The following NEB variants were observed in gnomAD, a reference collection of about 807,000 sequenced individuals.
The protein encoded by NEB is nebulin, also known as nemaline myopathy type 2.
Under a neutral mutation model 952.2 loss-of-function variants are expected in NEB, and 512 were observed. That is an observed-to-expected ratio of 0.54 (90% CI 0.50 to 0.58). The LOEUF (loss-of-function observed/expected upper bound fraction) is 0.58. NEB is among the 20% of genes least tolerant of loss of function. NEB has a pLI of 0.00. For missense variants in NEB, 8,428 were observed against 9,231.1 expected (o/e 0.91, Z 3.56); for synonymous variants, 2,900 against 3,149.8 (o/e 0.92, Z 2.66).
chr2:151,659,728 TGTG>T (rs2099125660), intron 46 of NEB, among the ~76,000 whole-genome samples: 2 of 152,218 alleles, frequency 1.3e-5, no homozygotes, highest in Non-Finnish European at 2.9e-5. Flanking sequence ...TAAAATTTTC[TGTG>T]TAAATTAAAA....
chr2:151,662,936 C>A (rs1440189076), intron 45 of NEB, among the ~76,000 whole-genome samples: 1 of 152,172 alleles, frequency 6.6e-6, no homozygotes, highest in Non-Finnish European at 1.5e-5. Context: ...ATAGCTCAGC[C>A]CTCACATTCC....
rs1042514269 is a variant in NEB, at chr2:151,533,457, C to A, written c.21402G>T (p.Ser7134=). ...RPDMLTALYN[S]HMWSQIKYRK... is the part of the protein sequence containing the mutation. The stretch of plus-strand genomic sequence containing the variant: ...CAGACATTACCTGGCTCCACATATG[C>A]GAATTGTAGAGAGCAGTCAACATAT... Residue 7134 remains serine, a synonymous_variant, in exon 143 of 182, where the codon TCG becomes TCT. Transcript: ENST00000397345. 1 of 1,550,094 alleles carries A rather than the reference C, an allele frequency of 6.5e-7. No individual in the cohort carries two copies. The highest frequency in any genetic ancestry group is 2.0e-5 in the Admixed American group (1 of 50,996).
In NEB at chr2:151,733,798, GA is replaced by G. The variant is rs962563454; in HGVS notation, c.-113-4del. The G allele has an allele frequency of 5.9e-4, 90 of 152,276 alleles. No homozygotes were observed. The highest frequency in any genetic ancestry group is 2.1e-3 in the African/African-American group (89 of 41,560). The allele number at this position is 152,276 out of a possible 1,614,324, so 9.4% of individuals were successfully genotyped here. A position where few individuals can be genotyped will look rare whatever the true frequency, so the allele number is the denominator to read the frequency against. On this transcript the variant is annotated splice_polypyrimidine_tract_variant and splice_region_variant and intron_variant, in intron 1 of 181. Transcript: ENST00000397345. ...GTTTCTGTAGCTCTCGTTCAAACCT[GA>G]AAAATAACAAAGTTGTAAAGCATTG...
At chr2:151,680,099 A>C in intron 30 of NEB, 77 bp from the exon 31 acceptor site, 1 of 1,055,738 alleles carries the variant, frequency 9.5e-7, no homozygotes, top group Non-Finnish European at 1.4e-6. Context: ...TAATTTCCTA[A>C]TGGATCATAT....
intron 77 of NEB, among the ~76,000 whole-genome samples, chr2:151,613,353 C>T (rs960870167): frequency 6.6e-6 from 1 of 152,168 alleles, no homozygotes; most frequent in African/African-American, 2.4e-5. Context: ...GTTAAATAGA[C>T]ACAAAATTAT....
At position 151,694,365 on chromosome 2, in the gene NEB, G is replaced by T; in HGVS notation, c.1854C>A (p.Pro618=). 6.2e-7 allele frequency: 1 copy of T among 1,613,940 alleles called. No individual in the cohort carries two copies. The highest frequency in any genetic ancestry group is 1.1e-5 in the South Asian group (1 of 91,068). ...CCACCTTCAAGGAGTGCAGCATCTT[G>T]GGATCGTCATTAATGCTGAGGACTC... ...MIGVLSINDD[P]KMLHSLKVAK... Residue 618 remains proline (P), a synonymous_variant, in exon 20 of 182, where the codon CCC becomes CCA. Coordinates refer to ENST00000397345, the MANE Select transcript of NEB (RefSeq NM_001164508.2).
chr2:151,524,868 AT>A (rs1414820649), intron 151 of NEB, among the ~76,000 whole-genome samples: 4 of 151,670 alleles, frequency 2.6e-5, no homozygotes, highest in African/African-American at 9.7e-5. Context: ...GGGTTTCACC[AT>A]ATTGGCCAGG....
At chr2:151,715,339 A>G (rs1159040083) in intron 10 of NEB, among the ~76,000 whole-genome samples, 2 of 152,392 alleles carry the variant, frequency 1.3e-5, no homozygotes, top group East Asian at 1.9e-4. Context: ...TCTTTTCTTC[A>G]TAATTAAATA....
intron 10 of NEB, chr2:151,716,154 T>G (rs1238702836): frequency 2.3e-6 from 1 of 441,224 alleles, no homozygotes; most frequent in South Asian, 1.6e-5. Flanking sequence ...TTTTTTCTCT[T>G]TTTGAGACAG....
At chr2:151,669,276 C>G in intron 38 of NEB, 145 bp from the exon 39 acceptor site, 1 of 610,006 alleles carries the variant, frequency 1.6e-6, no homozygotes, top group South Asian at 1.9e-5. Context: ...GGGAGGGGCC[C>G]TGGTAGATGC....
At chr2:151,636,188 T>C in intron 64 of NEB, 39 bp downstream of exon 64, 1 of 1,521,388 alleles carries the variant, frequency 6.6e-7, no homozygotes, top group Non-Finnish European at 9.0e-7. Flanking sequence ...AATGCCACAT[T>C]AGATTGATCA....
intron 23 of NEB, 103 bp downstream of exon 23, chr2:151,691,761 C>A: frequency 2.2e-6 from 2 of 899,884 alleles, no homozygotes; most frequent in South Asian, 2.9e-5. Context: ...TAATTATCTC[C>A]TTCTAATCAC....
chr2:151,704,784 G>A (rs1030848611), intron 13 of NEB, among the ~76,000 whole-genome samples: 2 of 152,116 alleles, frequency 1.3e-5, no homozygotes, highest in African/African-American at 4.8e-5. Context: ...AGATGAACCC[G>A]GTACCTCAGA....
At chr2:151,486,210 CA>C (rs1451814951) in intron 181 of NEB, 2 of 317,592 alleles carry the variant, frequency 6.3e-6, no homozygotes, top group Non-Finnish European at 1.2e-5. Context: ...GACATTTCTC[CA>C]AAAAAGATAG....
chr2:151,654,059 C>T lies in NEB; in HGVS notation c.6848G>A (p.Gly2283Asp). 1.2e-6 allele frequency: 2 copies of T among 1,610,968 alleles called. No homozygotes were observed. The highest frequency in any genetic ancestry group is 1.7e-6 in the Non-Finnish European group (2 of 1,178,366). The change falls in exon 52 of 182, where the codon GGC (glycine) becomes GAC (aspartate). Residue 2283 changes from glycine (G) to aspartate (D), a missense_variant. Physicochemically the swap from Gly to Asp is moderately conservative, Grantham distance 94 (BLOSUM62 -1). Transcript: ENST00000397345. ...KLGWEEALKK[G>D]YDLPVDAISV... The stretch of plus-strand genomic sequence containing the variant: ...AATTGCATCAACTGGGAGATCATAG[C>T]CTTTCTTCAAAGCTTCTTCCCATCC...
In NEB at chr2:151,496,360, G is replaced by C. The variant is rs758277406; in HGVS notation, c.24402C>G (p.Tyr8134Ter). Residue 8134 changes from tyrosine (Y) to a stop codon, truncating the protein, a stop_gained, in exon 173 of 182, where the codon TAC (tyrosine) becomes TAG (stop). Coordinates refer to ENST00000397345, the MANE Select transcript of NEB (RefSeq NM_001164508.2). LOFTEE classifies it high-confidence loss of function. ...GAGTTCCCTTGCCCATGTTTTCTTT[G>C]TATAACACCTGTGCGATGAGAAAGC... ...HNQENISSVLYKENMGKGTPL... is the reference protein window; with the variant it reads ...HNQENISSVL 8 of 1,608,468 alleles carry C rather than the reference G, an allele frequency of 5.0e-6. No individual in the cohort carries two copies. In the South Asian group the frequency reaches 8.9e-5, roughly 18 times the overall value.
chr2:151,653,297 C>A (rs2099051029), intron 52 of NEB, among the ~76,000 whole-genome samples: 1 of 152,166 alleles, frequency 6.6e-6, no homozygotes, highest in Non-Finnish European at 1.5e-5. Flanking sequence ...TGCAGAATAT[C>A]TAAGTAAAAT....
chr2:151,514,690 G>T, intron 158 of NEB, 128 bp downstream of exon 158: 1 of 694,382 alleles, frequency 1.4e-6, no homozygotes, highest in Non-Finnish European at 2.4e-6. Context: ...GTAGTACCAA[G>T]CACATGAGAA....
intron 36 of NEB, among the ~76,000 whole-genome samples, chr2:151,673,658 G>T (rs2099327098): frequency 6.6e-6 from 1 of 151,024 alleles, no homozygotes; most frequent in Non-Finnish European, 1.5e-5. Flanking sequence ...CTCAAACCAA[G>T]ATTTTATTCC....
Sources: allele counts gnomAD v4.1 joint callset (sites outside exome capture counted in the v4.1 genomes callset), GRCh38; gene constraint gnomAD v4.1.1; transcripts MANE v1.5; gene names NCBI Gene and HGNC (gene_info 2026-07-23, HGNC 2026-07-21).